INPP5K: variants seen among roughly 807,000 people sequenced by gnomAD.
INPP5K encodes inositol polyphosphate-5-phosphatase K, also known as inositol polyphosphate 5-phosphatase K.
INPP5K carries 35 observed loss-of-function variants against 53.5 expected under a neutral mutation model. The ratio of observed to expected loss-of-function variants is 0.65; its 90% confidence interval spans 0.50 to 0.87. INPP5K has a LOEUF of 0.87. Ranked by LOEUF, INPP5K falls within the 40% of genes least tolerant of loss-of-function variation. INPP5K has a pLI of 0.00. For missense variants in INPP5K, 550 were observed against 586.2 expected (o/e 0.94, Z 0.64); for synonymous variants, 253 against 232.8 (o/e 1.09, Z -0.79).
At chr17:1,513,355 G>A (rs1598392173) in intron 3 of INPP5K, 98 bp downstream of exon 3, 1 of 994,334 alleles carries the variant, frequency 1.0e-6, no homozygotes, top group South Asian at 1.3e-5. Flanking sequence ...AGCATGAAAG[G>A]CTGAGCAGGA....
chr17:1,505,008 C>T (rs1278242467), intron 7 of INPP5K, among the ~76,000 whole-genome samples: 1 of 152,258 alleles, frequency 6.6e-6, no homozygotes, highest in Non-Finnish European at 1.5e-5. Flanking sequence ...ACCCTGCCAA[C>T]TCCAGCCCAG....
chr17:1,495,764 G>C lies in INPP5K; in HGVS notation c.*59C>G. Reference sequence around the variant, plus strand: ...CTGGGCCCCCAGCACTCCCGGCAGTGGAAAGGCAGAGCTGGCTGCCAGCTC... The same window carrying C: ...CTGGGCCCCCAGCACTCCCGGCAGTCGAAAGGCAGAGCTGGCTGCCAGCTC... On this transcript the variant is annotated 3_prime_UTR_variant, in exon 12 of 12. Coordinates refer to ENST00000421807, the MANE Select transcript of INPP5K (RefSeq NM_016532.4). The C allele has an allele frequency of 7.5e-7, 1 of 1,330,670 alleles. No individual in the cohort carries two copies. Among genetic ancestry groups the C allele is most frequent in the Non-Finnish European group, 1.1e-6 (1 of 931,724 alleles). The allele number at this position is 1,330,670 out of a possible 1,614,324, so 82.4% of individuals were successfully genotyped here. A position where few individuals can be genotyped will look rare whatever the true frequency, so the allele number is the denominator to read the frequency against.
chr17:1,511,670 C>G (rs2075312825), intron 3 of INPP5K, among the ~76,000 whole-genome samples: 1 of 152,136 alleles, frequency 6.6e-6, no homozygotes, highest in Non-Finnish European at 1.5e-5. Flanking sequence ...CTCCTACACC[C>G]AAGCACACGT....
chr17:1,497,343 C>T (rs950879294), intron 8 of INPP5K, among the ~76,000 whole-genome samples: 1 of 152,144 alleles, frequency 6.6e-6, no homozygotes, highest in African/African-American at 2.4e-5. Flanking sequence ...TGGTGGCGTG[C>T]ACCTGTAGTC....
In INPP5K at chr17:1,508,195, G is replaced by GA; in HGVS notation, c.585dup (p.Arg196SerfsTer15). On this transcript the variant is annotated frameshift_variant, in exon 6 of 12. Transcript: ENST00000421807. LOFTEE classifies it high-confidence loss of function. ...AAGTGCAACCCAAAGTCCTCGATCC[G>GA]AAAGTTCATGTCTCCAAACCAGATA... 6.2e-7 allele frequency: 1 copy of GA among 1,613,990 alleles called. No individual in the cohort carries two copies. The highest frequency in any genetic ancestry group is 8.5e-7 in the Non-Finnish European group (1 of 1,179,944).
At chr17:1,501,209 C>T (rs1239887439) in intron 7 of INPP5K, among the ~76,000 whole-genome samples, 2 of 152,028 alleles carry the variant, frequency 1.3e-5, no homozygotes, top group African/African-American at 4.8e-5. Context: ...CCGCCCGCCT[C>T]GGCCTCCCAA....
chr17:1,497,327 C>T (rs2074881682), intron 8 of INPP5K, among the ~76,000 whole-genome samples: 1 of 152,124 alleles, frequency 6.6e-6, no homozygotes, highest in Admixed American at 6.5e-5. Context: ...ACATAACAGC[C>T]AGGCGTGGTG....
chr17:1,516,126 A>G (rs1480063467), intron 1 of INPP5K: 1 of 1,258,874 alleles, frequency 7.9e-7, no homozygotes, highest in Non-Finnish European at 1.0e-6. Flanking sequence ...GTGCTGATGA[A>G]AAGTAGGAAA....
In INPP5K at chr17:1,497,967, T is replaced by C; in HGVS notation, c.932A>G (p.His311Arg). The C allele has an allele frequency of 6.2e-7, 1 of 1,614,050 alleles. No homozygotes were observed. The highest frequency in any genetic ancestry group is 8.5e-7 in the Non-Finnish European group (1 of 1,179,940). Residue 311 changes from histidine (H) to arginine (R), a missense_variant, in exon 8 of 12, where the codon CAC (histidine) becomes CGC (arginine). Physicochemically the swap from His to Arg is conservative, Grantham distance 29. Transcript: ENST00000421807. ...GTCGAACGTGCCGGAGACAGGCTTG[T>C]GGTCGCTGATGCCGTACGTCATGTG... ...SSHMTYGISD[H>R]KPVSGTFDLE...
chr17:1,502,274 G>A (rs558231559), intron 7 of INPP5K, among the ~76,000 whole-genome samples: 10 of 152,284 alleles, frequency 6.6e-5, no homozygotes, highest in East Asian at 1.9e-4. Context: ...GCGTGAACCC[G>A]GGAGACAGAG....
At chr17:1,504,738 A>G (rs575397788) in intron 7 of INPP5K, among the ~76,000 whole-genome samples, 1 of 152,374 alleles carries the variant, frequency 6.6e-6, no homozygotes, top group South Asian at 2.1e-4. Flanking sequence ...GCCTTGGCGC[A>G]CACCTGCACG....
intron 7 of INPP5K, among the ~76,000 whole-genome samples, chr17:1,506,254 C>T (rs1022242483): frequency 6.6e-6 from 1 of 152,134 alleles, no homozygotes; most frequent in Non-Finnish European, 1.5e-5. Flanking sequence ...AAACTCCTGA[C>T]CTTCAGTGAT....
intron 3 of INPP5K, among the ~76,000 whole-genome samples, chr17:1,512,000 G>A (rs934116634): frequency 6.6e-6 from 1 of 152,198 alleles, no homozygotes; most frequent in African/African-American, 2.4e-5. Flanking sequence ...GAAAGGACTA[G>A]CAGGAGGTGG....
intron 7 of INPP5K, among the ~76,000 whole-genome samples, chr17:1,503,705 G>A (rs77572632): frequency 0.041 from 6,298 of 152,104 alleles, 204 homozygotes; most frequent in Non-Finnish European, 0.063. Flanking sequence ...GTGACAAGAA[G>A]AAAACTCTGT....
At chr17:1,513,016 C>T (rs920989915) in intron 3 of INPP5K, among the ~76,000 whole-genome samples, 13 of 152,202 alleles carry the variant, frequency 8.5e-5, no homozygotes, top group Non-Finnish European at 1.6e-4. Context: ...TTTCAACAGA[C>T]TTGTTAAGAT....
rs777300530 is a variant in INPP5K, at chr17:1,508,142, G to C, written c.639C>G (p.Cys213Trp). The C allele has an allele frequency of 7.4e-6, 12 of 1,613,824 alleles. No individual in the cohort carries two copies. Among genetic ancestry groups the C allele is most frequent in the Non-Finnish European group, 8.5e-7 (1 of 1,179,854 alleles). The change falls in exon 6 of 12, where the codon TGC (cysteine) becomes TGG (tryptophan). Residue 213 changes from cysteine (C) to tryptophan (W), a missense_variant. Physicochemically the swap from Cys to Trp is radical, Grantham distance 215 (BLOSUM62 -2). Transcript: ENST00000421807. ...HFVRESIKNR[C>W]YGGLWEKDQL... ...GGTCCTTCTCCCACAGGCCACCGTA[G>C]CACCGATTTTTAATGGATTCCCGAA... is the stretch of plus-strand genomic sequence containing the variant.
At chr17:1,512,544 G>A (rs142879527) in intron 3 of INPP5K, among the ~76,000 whole-genome samples, 1 of 152,192 alleles carries the variant, frequency 6.6e-6, no homozygotes, top group Non-Finnish European at 1.5e-5. Flanking sequence ...AGTCATCCAG[G>A]AAGGGGAAAG....
intron 6 of INPP5K, 77 bp from the exon 7 acceptor site, chr17:1,507,166 C>A: frequency 9.6e-7 from 1 of 1,042,576 alleles, no homozygotes; most frequent in Non-Finnish European, 1.5e-6. Flanking sequence ...TTCAAGGGAT[C>A]AGCACATGCC....
At chr17:1,514,337 AAAGAT>A (rs2075382892) in intron 1 of INPP5K, among the ~76,000 whole-genome samples, 1 of 144,620 alleles carries the variant, frequency 6.9e-6, no homozygotes, top group Non-Finnish European at 1.5e-5. Context: ...GAAAAAAAAA[AAAGAT>A]AGTGCACGGG....
Sources: gnomAD v4.1 joint callset for allele counts (sites outside exome capture counted in the v4.1 genomes callset) on GRCh38, gnomAD v4.1.1 for gene constraint, MANE v1.5 for transcripts, NCBI Gene and HGNC (gene_info 2026-07-23, HGNC 2026-07-21) for gene names.